FAM184B: variants seen among roughly 807,000 people sequenced by gnomAD.
FAM184B encodes the protein family with sequence similarity 184 member B.
FAM184B carries 111 observed loss-of-function variants against 135.9 expected under a neutral mutation model. The observed-to-expected ratio is 0.82, with a 90% CI of 0.70 to 0.96. FAM184B has a LOEUF of 0.96. Ranked by LOEUF, FAM184B falls within the 40% of genes least tolerant of loss-of-function variation. The pLI, the probability that FAM184B is intolerant of heterozygous loss-of-function variation, is 0.00. For missense variants in FAM184B, 1,375 were observed against 1,323.9 expected (o/e 1.04, Z -0.60); for synonymous variants, 552 against 524.8 (o/e 1.05, Z -0.71).
At chr4:17,689,542 C>T (rs1716671732) in intron 6 of FAM184B, among the ~76,000 whole-genome samples, 1 of 152,138 alleles carries the variant, frequency 6.6e-6, no homozygotes. Flanking sequence ...ATGTTTATAA[C>T]CCCAATGACA....
At chr4:17,657,604 A>C (rs1210736861) in intron 10 of FAM184B, among the ~76,000 whole-genome samples, 5 of 151,430 alleles carry the variant, frequency 3.3e-5, no homozygotes, top group South Asian at 4.2e-4. Context: ...TAGTTGTTTA[A>C]CACAGTACAA....
intron 9 of FAM184B, among the ~76,000 whole-genome samples, chr4:17,659,181 C>T (rs537449491): frequency 5.9e-5 from 9 of 151,382 alleles, no homozygotes; most frequent in South Asian, 2.1e-4. Context: ...TCACGACTCA[C>T]GGCAGCCTCG....
At chr4:17,664,785 A>G (rs1220377275) in intron 7 of FAM184B, 126 bp from the exon 8 acceptor site, 6 of 717,402 alleles carry the variant, frequency 8.4e-6, no homozygotes, top group African/African-American at 3.6e-5. Flanking sequence ...GCAACCCACT[A>G]TCGGTGCCCT....
intron 1 of FAM184B, among the ~76,000 whole-genome samples, chr4:17,757,926 C>T (rs1718457737): frequency 6.6e-6 from 1 of 152,094 alleles, no homozygotes; most frequent in South Asian, 2.1e-4. Flanking sequence ...AGTGTCTGCT[C>T]CCAAATTTAT....
At chr4:17,638,907 G>A (rs932344300) in intron 14 of FAM184B, among the ~76,000 whole-genome samples, 3 of 152,248 alleles carry the variant, frequency 2.0e-5, no homozygotes, top group East Asian at 1.9e-4. Context: ...CCTGATCTCC[G>A]TTCACTGAAA....
chr4:17,736,721 C>T (rs1031031117), intron 1 of FAM184B, among the ~76,000 whole-genome samples: 2 of 152,168 alleles, frequency 1.3e-5, no homozygotes, highest in African/African-American at 4.8e-5. Context: ...GCATTCATCC[C>T]CTCATCTCAC....
intron 7 of FAM184B, among the ~76,000 whole-genome samples, chr4:17,681,612 G>C (rs1000035359): frequency 4.6e-5 from 7 of 152,230 alleles, no homozygotes; most frequent in African/African-American, 1.7e-4. Flanking sequence ...GACAGGTGAT[G>C]CCTCAAATTC....
intron 11 of FAM184B, 87 bp from the exon 12 acceptor site, chr4:17,647,878 G>T: frequency 7.1e-7 from 1 of 1,410,074 alleles, no homozygotes; most frequent in Non-Finnish European, 9.5e-7. Context: ...GGGTGGGGTT[G>T]GATGACGTGG....
intron 12 of FAM184B, among the ~76,000 whole-genome samples, chr4:17,643,078 T>C (rs183061112): frequency 6.6e-6 from 1 of 152,336 alleles, no homozygotes; most frequent in Admixed American, 6.5e-5. Context: ...CTTGGCACTC[T>C]CACATGCATA....
At position 17,631,929 on chromosome 4, in the gene FAM184B, G is replaced by A. The variant is rs546453191; in HGVS notation, c.*603C>T. 1 of 152,034 alleles carries A rather than the reference G, an allele frequency of 6.6e-6. No homozygotes were observed. Among genetic ancestry groups the A allele is most frequent in the Non-Finnish European group, 1.5e-5 (1 of 68,014 alleles). 9.4% of individuals were successfully genotyped at this position (152,034 alleles called of 1,614,324 possible). ...GATCATGGAAATCACAAAGTCTGAT[G>A]TTCCACAAAATGGAGTATGATGTTA... On this transcript the variant is annotated 3_prime_UTR_variant, in exon 18 of 18. Coordinates refer to ENST00000265018, the MANE Select transcript of FAM184B (RefSeq NM_015688.2).
At chr4:17,682,490 ATTGT>A (rs1407701986) in intron 7 of FAM184B, among the ~76,000 whole-genome samples, 2 of 151,006 alleles carry the variant, frequency 1.3e-5, no homozygotes, top group Admixed American at 6.6e-5. Flanking sequence ...ATTTCTTTTT[ATTGT>A]TTGTTTATTT....
intron 1 of FAM184B, among the ~76,000 whole-genome samples, chr4:17,727,647 G>A (rs1717672400): frequency 6.6e-6 from 1 of 152,166 alleles, no homozygotes; most frequent in East Asian, 1.9e-4. Flanking sequence ...CAGATCTTGT[G>A]AGAACTCCTT....
At position 17,637,414 on chromosome 4, in the gene FAM184B, A is replaced by G. The variant is rs116829911; in HGVS notation, c.2667-769T>C. Reference sequence around the variant, plus strand: ...GGGGTGCAGATAATCTACTGACTGGAGTTGATAAGAGCCCAGGGCTTTGGG... The same window carrying G: ...GGGGTGCAGATAATCTACTGACTGGGGTTGATAAGAGCCCAGGGCTTTGGG... On this transcript the variant is annotated intron_variant, in intron 14 of 17. Transcript: ENST00000265018. Among the ~76,000 whole-genome samples the G allele has an allele frequency of 2.4e-3, 371 of 152,244 alleles. 4 individuals carry two copies. The highest frequency in any genetic ancestry group is 8.2e-3 in the African/African-American group (341 of 41,562).
intron 7 of FAM184B, among the ~76,000 whole-genome samples, chr4:17,684,188 T>A (rs893224715): frequency 2.2e-4 from 31 of 143,532 alleles, no homozygotes; most frequent in African/African-American, 7.0e-4. Flanking sequence ...TAATTATATA[T>A]AAAATAGTTA....
intron 3 of FAM184B, 125 bp from the exon 4 acceptor site, chr4:17,706,016 C>G: frequency 7.8e-7 from 1 of 1,285,600 alleles, no homozygotes; most frequent in Non-Finnish European, 1.1e-6. Flanking sequence ...TGTGTAATTC[C>G]TGCCCTGTGG....
intron 17 of FAM184B, 86 bp downstream of exon 17, chr4:17,633,603 G>T: frequency 1.6e-6 from 2 of 1,213,558 alleles, no homozygotes; most frequent in Non-Finnish European, 2.2e-6. Flanking sequence ...TCTGGAATTT[G>T]GTACCAGGTG....
At chr4:17,730,456 A>C (rs1010911653) in intron 1 of FAM184B, among the ~76,000 whole-genome samples, 4 of 152,208 alleles carry the variant, frequency 2.6e-5, no homozygotes, top group Admixed American at 6.5e-5. Context: ...TCCAAGACAC[A>C]TAATTGTCAG....
Position 17,709,074 on chromosome 4 carries a change from G to A in FAM184B, c.712C>T (p.Gln238Ter), listed in dbSNP as rs1287167531. The change falls in exon 2 of 18, where the codon CAG becomes TAG. Residue 238 changes from glutamine (Q) to a stop codon, truncating the protein, a stop_gained. Transcript: ENST00000265018. LOFTEE classifies it high-confidence loss of function. ...ENEAIRQAMQ[Q>*]SVSQALWQWQ... ...TGCCACAGGGCCTGGCTCACCGACT[G>A]CTGCATGGCCTGCCGGATGGCCTCG... 1.3e-6 allele frequency: 2 copies of A among 1,550,188 alleles called. No individual in the cohort carries two copies. The highest frequency in any genetic ancestry group is 1.7e-6 in the Non-Finnish European group (2 of 1,146,982).
chr4:17,688,243 T>G (rs926030294), intron 7 of FAM184B, among the ~76,000 whole-genome samples, 181 bp downstream of exon 7: 7 of 150,290 alleles, frequency 4.7e-5, no homozygotes. Context: ...AGACTTCTAT[T>G]TCCTTCGTGG....
Sources: gnomAD v4.1 joint callset for allele counts (sites outside exome capture counted in the v4.1 genomes callset) on GRCh38, gnomAD v4.1.1 for gene constraint, MANE v1.5 for transcripts, NCBI Gene and HGNC (gene_info 2026-07-23, HGNC 2026-07-21) for gene names.